The following WDR26 variants were observed in gnomAD, a reference collection of about 807,000 sequenced individuals.
WDR26 encodes WD repeat domain 26.
In WDR26, 5 loss-of-function variants were observed where a neutral mutation model predicts 84.1. The observed-to-expected ratio is 0.06, with a 90% CI of 0.03 to 0.13. The LOEUF (loss-of-function observed/expected upper bound fraction) is 0.13, where lower values mean the gene tolerates loss of function less well. WDR26 is among the 10% of genes least tolerant of loss of function. The pLI is 1.00. For missense variants in WDR26, 642 were observed against 974.9 expected (o/e 0.66, Z 4.55); for synonymous variants, 415 against 389.6 (o/e 1.07, Z -0.77).
In WDR26 at chr1:224,434,142, G is replaced by T; in HGVS notation, c.264C>A (p.His88Gln). 7 of 1,422,718 alleles carry T rather than the reference G, an allele frequency of 4.9e-6. No individual in the cohort carries two copies. The highest frequency in any genetic ancestry group is 5.5e-6 in the Non-Finnish European group (6 of 1,092,072). 88.1% of individuals were successfully genotyped at this position (1,422,718 alleles called of 1,614,324 possible). A position where few individuals can be genotyped will look rare whatever the true frequency, so the allele number is the denominator to read the frequency against. The change falls in exon 1 of 14, where the codon CAC becomes CAA. Residue 88 changes from histidine to glutamine, a missense_variant. Physicochemically the swap from His to Gln is conservative, Grantham distance 24. Coordinates refer to ENST00000414423, the MANE Select transcript of WDR26 (RefSeq NM_001379403.1). ...TGACCAGGCTGTGGCCGCTACTTCG[G>T]TGGGGGACAGCAGCGGCGGCGGGAG...
rs761535363 is a variant in WDR26 at position 224,418,424 on chromosome 1, A to G, written c.1163-8T>C. ...CTGATGGTGGTAAATAGGCTTTAAT[A>G]GAAGATATTTTAAAAAAGAGAAATA... is the stretch of plus-strand genomic sequence containing the variant. On this transcript the variant is annotated splice_polypyrimidine_tract_variant and splice_region_variant and intron_variant, in intron 5 of 13. Transcript: ENST00000414423. 2.0e-5 allele frequency: 32 copies of G among 1,582,642 alleles called. No individual in the cohort carries two copies. Among genetic ancestry groups the G allele is most frequent in the Non-Finnish European group, 2.7e-5 (32 of 1,170,390 alleles).
chr1:224,416,679 A>G (rs370481333), intron 6 of WDR26, among the ~76,000 whole-genome samples: 1 of 152,180 alleles, frequency 6.6e-6, no homozygotes, highest in Non-Finnish European at 1.5e-5. Flanking sequence ...CAGTTTCCAA[A>G]CAGGAGGGCA....
chr1:224,408,633 CTTTTTT>C (rs67639407), intron 7 of WDR26, among the ~76,000 whole-genome samples: 4 of 115,854 alleles, frequency 3.5e-5, no homozygotes, highest in African/African-American at 1.2e-4. Context: ...TCATCCCATT[CTTTTTT>C]TTTTTTTTTT....
chr1:224,403,240 CG>C (rs1366465350), intron 8 of WDR26, among the ~76,000 whole-genome samples: 1 of 151,946 alleles, frequency 6.6e-6, no homozygotes, highest in African/African-American at 2.4e-5. Flanking sequence ...TTAGTAGAGA[CG>C]GGGTTTCACC....
intron 10 of WDR26, 26 bp downstream of exon 10, chr1:224,398,863 G>T: frequency 6.2e-7 from 1 of 1,611,238 alleles, no homozygotes; most frequent in African/African-American, 1.3e-5. Flanking sequence ...GGTAATTGTT[G>T]TTTAATGGAA....
chr1:224,424,419 G>C (rs1013189018), intron 4 of WDR26, 99 bp downstream of exon 4: 22 of 1,476,986 alleles, frequency 1.5e-5, no homozygotes, highest in Non-Finnish European at 1.7e-5. Context: ...AAATATCTAA[G>C]AATTTAGCAA....
chr1:224,433,593 G>GCC, intron 1 of WDR26, 91 bp downstream of exon 1: 1 of 829,658 alleles, frequency 1.2e-6, no homozygotes, highest in Non-Finnish European at 1.8e-6. Flanking sequence ...GCTCTTTCAA[G>GCC]CCCCCCTCCC....
chr1:224,419,052 T>G (rs1413993745), intron 5 of WDR26, among the ~76,000 whole-genome samples: 1 of 152,184 alleles, frequency 6.6e-6, no homozygotes, highest in Non-Finnish European at 1.5e-5. Context: ...AATCATATAA[T>G]TTTCAGAGAG....
Position 224,398,234 on chromosome 1 carries a change from C to A in WDR26, c.1945-8G>T. On this transcript the variant is annotated splice_region_variant and splice_polypyrimidine_tract_variant and intron_variant, in intron 11 of 13. Coordinates refer to ENST00000414423, the MANE Select transcript of WDR26 (RefSeq NM_001379403.1). ...GTCCCATAAATGAACTCCCTGCAGG[C>A]AAAGGAGAATACAGATATTTAATCT... The A allele has an allele frequency of 6.2e-7, 1 of 1,610,736 alleles. No individual in the cohort carries two copies. Among genetic ancestry groups the A allele is most frequent in the Middle Eastern group, 1.7e-4 (1 of 6,052 alleles).
chr1:224,401,073 T>C lies in WDR26; in HGVS notation c.1600-4A>G. ...TTTTTGTCCTTAGTTCTCCTGTCTATAAGGAAATAAAACTGTAAATGAGAC... is the reference window on the plus strand; with the variant it reads ...TTTTTGTCCTTAGTTCTCCTGTCTACAAGGAAATAAAACTGTAAATGAGAC... On this transcript the variant is annotated splice_polypyrimidine_tract_variant and splice_region_variant and intron_variant, in intron 8 of 13. Transcript: ENST00000414423. 1 of 1,612,400 alleles carries C rather than the reference T, an allele frequency of 6.2e-7. No homozygotes were observed. Among genetic ancestry groups the C allele is most frequent in the South Asian group, 1.1e-5 (1 of 90,956 alleles).
At chr1:224,409,507 TTTGTAGCATACATAGGTA>T (rs1371503441) in intron 7 of WDR26, among the ~76,000 whole-genome samples, 1 of 152,192 alleles carries the variant, frequency 6.6e-6, no homozygotes, top group Non-Finnish European at 1.5e-5. Flanking sequence ...CCTTTCATTG[TTTGTAGCATACATAGGTA>T]TGCAAGAATT....
At chr1:224,418,982 C>A (rs1673982272) in intron 5 of WDR26, among the ~76,000 whole-genome samples, 1 of 152,180 alleles carries the variant, frequency 6.6e-6, no homozygotes, top group Non-Finnish European at 1.5e-5. Context: ...TATACCTCCC[C>A]AACTGCACGG....
intron 6 of WDR26, chr1:224,413,235 A>T: frequency 2.0e-6 from 2 of 988,360 alleles, no homozygotes; most frequent in Non-Finnish European, 2.5e-6. Context: ...AACGTTATTT[A>T]AACAATAATG....
intron 3 of WDR26, 149 bp from the exon 4 acceptor site, chr1:224,424,803 T>C (rs1674163621): frequency 6.4e-6 from 6 of 938,038 alleles, no homozygotes; most frequent in Non-Finnish European, 9.7e-6. Flanking sequence ...AATATTTTAG[T>C]TTAGTAGAGC....
chr1:224,389,727 C>A lies in WDR26; in HGVS notation c.*108G>T. 1 of 1,158,602 alleles carries A rather than the reference C, an allele frequency of 8.6e-7. No homozygotes were observed. The highest frequency in any genetic ancestry group is 1.3e-6 in the Non-Finnish European group (1 of 780,622). 71.8% of individuals were successfully genotyped at this position (1,158,602 alleles called of 1,614,324 possible). On this transcript the variant is annotated 3_prime_UTR_variant, in exon 14 of 14. Transcript: ENST00000414423. ...TTCAGAAATGGTTCTTTTTTCATGA[C>A]GAGCATGTCTGTCCAGCTATCAATC... is the stretch of plus-strand genomic sequence containing the variant.
Position 224,434,571 on chromosome 1 carries a change from T to C in WDR26, c.-166A>G, listed in dbSNP as rs1280227705. ...GGGGAGAAGGAGGATCCGGGCCCTT[T>C]CCCCCCCCCCTCCCGGAGGCAGCTC... On this transcript the variant is annotated 5_prime_UTR_variant, in exon 1 of 14. Transcript: ENST00000414423. 34 of 296,014 alleles carry C rather than the reference T, an allele frequency of 1.1e-4. No homozygotes were observed. The highest frequency in any genetic ancestry group is 8.0e-4 in the Admixed American group (8 of 9,982). 18.3% of individuals were successfully genotyped at this position (296,014 alleles called of 1,614,324 possible).
intron 12 of WDR26, among the ~76,000 whole-genome samples, chr1:224,394,979 G>C (rs1460438001): frequency 1.3e-5 from 2 of 152,132 alleles, no homozygotes; most frequent in Admixed American, 6.5e-5. Context: ...ATAATCTCAT[G>C]AAGTGACCAC....
Position 224,387,787 on chromosome 1 carries a change from A to C in WDR26, c.*2048T>G, listed in dbSNP as rs1673022516. The C allele has an allele frequency of 6.6e-6, 1 of 152,638 alleles. No homozygotes were observed. Among genetic ancestry groups the C allele is most frequent in the Non-Finnish European group, 1.5e-5 (1 of 68,032 alleles). 9.5% of individuals were successfully genotyped at this position (152,638 alleles called of 1,614,324 possible). Reference sequence around the variant, plus strand: ...CTTCAGGGTATACATGAATCACTTAAAATATGAATGGTTTTTAACTATACT... The same window carrying C: ...CTTCAGGGTATACATGAATCACTTACAATATGAATGGTTTTTAACTATACT... On this transcript the variant is annotated 3_prime_UTR_variant, in exon 14 of 14. Transcript: ENST00000414423.
chr1:224,397,183 G>A (rs1673290312), intron 12 of WDR26, among the ~76,000 whole-genome samples: 4 of 152,112 alleles, frequency 2.6e-5, no homozygotes, highest in Admixed American at 2.6e-4. Context: ...TAGAGACAGT[G>A]TCTAGCCATG....
Sources: allele counts gnomAD v4.1 joint callset (sites outside exome capture counted in the v4.1 genomes callset), GRCh38; gene constraint gnomAD v4.1.1; transcripts MANE v1.5; gene names NCBI Gene and HGNC (gene_info 2026-07-23, HGNC 2026-07-21).